PSPC1: variants seen among roughly 807,000 people sequenced by gnomAD.
The protein encoded by PSPC1 is paraspeckle protein 1.
In PSPC1, 14 loss-of-function variants were observed where a neutral mutation model predicts 51.6. The observed-to-expected ratio is 0.27, with a 90% CI of 0.18 to 0.42. The LOEUF is 0.42. Among genes scored for constraint, PSPC1 ranks in the 10% least tolerant of loss-of-function variants. The pLI is 1.00. For synonymous variants in PSPC1, 193 were observed against 231.9 expected, an observed-to-expected ratio of 0.83 and a Z score of 1.53; for missense variants, 406 against 701.1, an observed-to-expected ratio of 0.58 and a Z score of 4.75.
intron 6 of PSPC1, among the ~76,000 whole-genome samples, chr13:19,688,980 A>C (rs1878253072): frequency 6.6e-6 from 1 of 151,938 alleles, no homozygotes; most frequent in Non-Finnish European, 1.5e-5. Flanking sequence ...AAAAAAAAGG[A>C]AACTCATTGT....
At chr13:19,695,256 G>C (rs1197167426) in intron 6 of PSPC1, among the ~76,000 whole-genome samples, 1 of 152,156 alleles carries the variant, frequency 6.6e-6, no homozygotes, top group Non-Finnish European at 1.5e-5. Flanking sequence ...AAAAGTTCAT[G>C]ACATGAACCC....
intron 6 of PSPC1, among the ~76,000 whole-genome samples, chr13:19,689,460 T>G (rs1028947255): frequency 2.0e-5 from 3 of 152,204 alleles, no homozygotes; most frequent in African/African-American, 7.2e-5. Flanking sequence ...CAAAAGTACT[T>G]AAGACTATAT....
chr13:19,706,232 T>C (rs915157540), intron 7 of PSPC1, among the ~76,000 whole-genome samples: 2 of 152,080 alleles, frequency 1.3e-5, no homozygotes, highest in East Asian at 1.9e-4. Context: ...TTTCAACCCA[T>C]GGCTAAAAAT....
downstream of PSPC1, among the ~76,000 whole-genome samples, chr13:19,698,266 G>C (rs560032412): frequency 6.6e-6 from 1 of 151,408 alleles, no homozygotes. Context: ...TAAAGAGCTA[G>C]AAAAAATTTT....
At chr13:19,677,391 T>A (rs1055669358) in intron 7 of PSPC1, among the ~76,000 whole-genome samples, 2 of 152,180 alleles carry the variant, frequency 1.3e-5, no homozygotes, top group African/African-American at 2.4e-5. Flanking sequence ...CCCCTCTTAG[T>A]CATTTCCCCT....
chr13:19,753,641 T>A (rs1429534166), intron 3 of PSPC1, among the ~76,000 whole-genome samples: 1 of 152,164 alleles, frequency 6.6e-6, no homozygotes, highest in Non-Finnish European at 1.5e-5. Flanking sequence ...AAAGCATAGA[T>A]ACCTTGCTAT....
intron 2 of PSPC1, 40 bp from the exon 3 acceptor site, chr13:19,759,458 G>T: frequency 1.5e-6 from 2 of 1,363,658 alleles, no homozygotes; most frequent in East Asian, 2.3e-5. Flanking sequence ...TTAACACAGT[G>T]CCAAGAATTA....
chr13:19,691,927 A>G (rs1038112168), intron 6 of PSPC1, among the ~76,000 whole-genome samples: 3 of 152,104 alleles, frequency 2.0e-5, no homozygotes, highest in African/African-American at 7.2e-5. Context: ...CAAAAAAGAG[A>G]GACCTACAAA....
chr13:19,711,561 C>T (rs1192040431), intron 6 of PSPC1, among the ~76,000 whole-genome samples: 2 of 151,362 alleles, frequency 1.3e-5, no homozygotes, highest in African/African-American at 2.4e-5. Context: ...TTGCGGGAAC[C>T]CAGGAGGCAG....
At chr13:19,736,540 A>G (rs139097826) in intron 5 of PSPC1, among the ~76,000 whole-genome samples, 2,932 of 152,070 alleles carry the variant, frequency 0.019, 88 homozygotes, top group African/African-American at 0.064. Flanking sequence ...AAAATTAGCC[A>G]GGTGTGGTGA....
chr13:19,736,527 CA>C (rs996527337), intron 5 of PSPC1, among the ~76,000 whole-genome samples: 1 of 151,764 alleles, frequency 6.6e-6, no homozygotes. Context: ...ACTAAAAATA[CA>C]AAAAATTAGC....
Position 19,682,436 on chromosome 13 carries a change from G to A in PSPC1, c.1159-4613C>T, listed in dbSNP as rs79895739. ...TAGTTAAATAGCAATATGGGTGTAC[G>A]GTGATCAAAGAAAAAGCAGGAGTAC... On this transcript the variant is annotated intron_variant and NMD_transcript_variant, in intron 6 of 7. Coordinates refer to the PSPC1 transcript ENST00000471658. Among the ~76,000 whole-genome samples, 105 of 148,018 alleles carry A rather than the reference G, an allele frequency of 7.1e-4. 1 individual carries two copies. In the East Asian group the frequency reaches 0.019, roughly 26 times the overall value.
rs1010045701 is a variant in PSPC1, at chr13:19,677,571, T to C, written c.*76+153A>G. Among the ~76,000 whole-genome samples the C allele has an allele frequency of 1.3e-5, 2 of 152,224 alleles. 1 individual carries two copies. Among genetic ancestry groups the C allele is most frequent in the African/African-American group, 4.8e-5 (2 of 41,452 alleles). On this transcript the variant is annotated intron_variant and NMD_transcript_variant, in intron 7 of 7. Transcript: ENST00000471658. The stretch of plus-strand genomic sequence containing the variant: ...GGCTTCAGCTTCACCTATAAACTGT[T>C]CATAAATATTCTACTGACTCAAAAC...
At chr13:19,766,634 T>C (rs1029327457) in intron 2 of PSPC1, among the ~76,000 whole-genome samples, 19 of 151,780 alleles carry the variant, frequency 1.3e-4, no homozygotes, top group Non-Finnish European at 2.4e-4. Context: ...CATAGTGACC[T>C]ATGATCGCAT....
chr13:19,687,668 T>A (rs1565959109), intron 6 of PSPC1, among the ~76,000 whole-genome samples: 1 of 151,748 alleles, frequency 6.6e-6, no homozygotes, highest in African/African-American at 2.4e-5. Flanking sequence ...TCCACATAAA[T>A]CCCAGTCGTG....
chr13:19,688,656 G>A (rs1009371184), intron 6 of PSPC1, among the ~76,000 whole-genome samples: 3 of 152,144 alleles, frequency 2.0e-5, no homozygotes, highest in African/African-American at 2.4e-5. Context: ...GTTTATCTTC[G>A]ATGGAGCAAA....
At chr13:19,761,028 T>C (rs1398836375) in intron 2 of PSPC1, among the ~76,000 whole-genome samples, 1 of 151,538 alleles carries the variant, frequency 6.6e-6, no homozygotes, top group African/African-American at 2.4e-5. Context: ...CCAGGTAGCA[T>C]ACACTACTCA....
At chr13:19,698,668 T>C (rs759504916), downstream of PSPC1, among the ~76,000 whole-genome samples, 16 of 151,864 alleles carry the variant, frequency 1.1e-4, no homozygotes, top group Non-Finnish European at 1.9e-4. Context: ...TCTTTTAAAG[T>C]TCATCTGATT....
chr13:19,739,588 A>C (rs961272207), intron 5 of PSPC1, among the ~76,000 whole-genome samples: 1 of 152,214 alleles, frequency 6.6e-6, no homozygotes, highest in Admixed American at 6.5e-5. Flanking sequence ...TCTCTACTAA[A>C]AATACAAAAT....
Sources: allele counts gnomAD v4.1 joint callset (sites outside exome capture counted in the v4.1 genomes callset), GRCh38; gene constraint gnomAD v4.1.1; transcripts MANE v1.5; gene names NCBI Gene and HGNC (gene_info 2026-07-23, HGNC 2026-07-21).